LILRA4: variants seen among roughly 807,000 people sequenced by gnomAD.
LILRA4 encodes leukocyte immunoglobulin like receptor A4.
Under a neutral mutation model 49.5 loss-of-function variants are expected in LILRA4, and 51 were observed. That is an observed-to-expected ratio of 1.03 (90% CI 0.82 to 1.30). LILRA4 has a LOEUF of 1.30. Among genes scored for constraint, LILRA4 ranks in the 50% most tolerant of loss-of-function variants. The pLI, the probability that LILRA4 is intolerant of heterozygous loss-of-function variation, is 0.00. For missense variants in LILRA4, 624 were observed against 625.6 expected (o/e 1.00, Z 0.03); for synonymous variants, 272 against 265.6 (o/e 1.02, Z -0.23).
At position 54,337,471 on chromosome 19, in the gene LILRA4, C is replaced by A. The variant is rs148423363; in HGVS notation, c.881G>T (p.Arg294Ile). 3.0e-5 allele frequency: 49 copies of A among 1,612,078 alleles called. No homozygotes were observed. The highest frequency in any genetic ancestry group is 9.9e-5 in the South Asian group (9 of 91,010). Residue 294 changes from arginine (R) to isoleucine (I), a missense_variant, in exon 5 of 8, where the codon AGA becomes ATA. Physicochemically the swap from Arg to Ile is moderately conservative, Grantham distance 97 (BLOSUM62 -3). Coordinates refer to ENST00000291759, the MANE Select transcript of LILRA4 (RefSeq NM_012276.5). ...GGAGACGTTGTGTGCGCCGTAGCAT[C>A]TGTACTGGCCCCCGTAGGAGCGGCT... Reference protein sequence around the residue: ...PVSRSYGGQYRCYGAHNVSSE... With the variant: ...PVSRSYGGQYICYGAHNVSSE...
Position 54,333,582 on chromosome 19 carries a change from T to C in LILRA4, c.1490A>G (p.Glu497Gly), listed in dbSNP as rs757796950. ...NAPFRVVEPW[E>G]QI ...AACCTCCTCAGATCATCAGATCTGT[T>C]CCCAAGGCTCCACCACTCTGAAGGG... Residue 497 changes from glutamate to glycine, a missense_variant, in exon 8 of 8, where the codon GAA becomes GGA. Transcript: ENST00000291759. 3 of 1,613,938 alleles carry C rather than the reference T, an allele frequency of 1.9e-6. No individual in the cohort carries two copies. The highest frequency in any genetic ancestry group is 2.7e-5 in the African/African-American group (2 of 74,896).
In LILRA4 at chr19:54,338,391, C is replaced by G; in HGVS notation, c.355+5G>C. ...TGGGGCTGGGACCCCTGAGTGTCCTCTCACCTGTCACCACCAGCTCCAGGG... is the reference window on the plus strand; with the variant it reads ...TGGGGCTGGGACCCCTGAGTGTCCTGTCACCTGTCACCACCAGCTCCAGGG... On this transcript the variant is annotated splice_donor_5th_base_variant and intron_variant, in intron 3 of 7. Transcript: ENST00000291759. 1 of 1,613,882 alleles carries G rather than the reference C, an allele frequency of 6.2e-7. No homozygotes were observed. The highest frequency in any genetic ancestry group is 1.1e-5 in the South Asian group (1 of 91,068).
chr19:54,338,792 C>T, intron 2 of LILRA4, 74 bp downstream of exon 2: 5 of 1,603,122 alleles, frequency 3.1e-6, no homozygotes, highest in South Asian at 1.1e-5. Context: ...GCTGTCTTCA[C>T]CCCCAGCTGC....
chr19:54,336,754 A>C (rs1485413273), intron 6 of LILRA4, 87 bp downstream of exon 6: 25 of 1,528,138 alleles, frequency 1.6e-5, no homozygotes, highest in Non-Finnish European at 2.2e-5. Flanking sequence ...CAAGTGAGAC[A>C]GACAGACGGA....
At position 54,333,607 on chromosome 19, in the gene LILRA4, G is replaced by A; in HGVS notation, c.1465C>T (p.Pro489Ser). 1 of 1,614,104 alleles carries A rather than the reference G, an allele frequency of 6.2e-7. No individual in the cohort carries two copies. The highest frequency in any genetic ancestry group is 8.5e-7 in the Non-Finnish European group (1 of 1,180,020). Residue 489 changes from proline (P) to serine (S), a missense_variant, in exon 8 of 8, where the codon CCC becomes TCC. Physicochemically the swap from Pro to Ser is moderately conservative, Grantham distance 74 (BLOSUM62 -1). Coordinates refer to ENST00000291759, the MANE Select transcript of LILRA4 (RefSeq NM_012276.5). ...QEANSRKDNA[P>S]FRVVEPWEQI ...TCCCAAGGCTCCACCACTCTGAAGG[G>A]TGCATTGTCCTTTCTGCTGTTTGCC...
intron 6 of LILRA4, chr19:54,335,567 C>G (rs575701062): frequency 2.0e-5 from 3 of 152,462 alleles, no homozygotes; most frequent in African/African-American, 7.2e-5. Flanking sequence ...GTGGTGCGAT[C>G]TCAGCTCACT....
At position 54,333,945 on chromosome 19, in the gene LILRA4, G is replaced by A; in HGVS notation, c.1276C>T (p.Pro426Ser). The A allele has an allele frequency of 6.2e-7, 1 of 1,614,020 alleles. No individual in the cohort carries two copies. Among genetic ancestry groups the A allele is most frequent in the South Asian group, 1.1e-5 (1 of 91,078 alleles). ...VVSGATETLN[P>S]AQKKSDSKTA... is the part of the protein sequence containing the mutation. ...TTGGAATCTGACTTCTTTTGTGCTG[G>A]ATTGAGGGTCTCAGTTGCTCCTAAG... The change falls in exon 7 of 8, where the codon CCA becomes TCA. Residue 426 changes from proline (P) to serine (S), a missense_variant. Coordinates refer to ENST00000291759, the MANE Select transcript of LILRA4 (RefSeq NM_012276.5).
rs547083968 is a variant in LILRA4, at chr19:54,337,493, G to C, written c.859C>G (p.Arg287Gly). 54 of 1,612,476 alleles carry C rather than the reference G, an allele frequency of 3.3e-5. No homozygotes were observed. The highest frequency in any genetic ancestry group is 2.2e-4 in the East Asian group (10 of 44,860). The change falls in exon 5 of 8, where the codon CGC becomes GGC. Residue 287 changes from arginine (R) to glycine (G), a missense_variant. Arg to Gly is a moderately radical substitution (Grantham distance 125). Coordinates refer to ENST00000291759, the MANE Select transcript of LILRA4 (RefSeq NM_012276.5). ...CATCTGTACTGGCCCCCGTAGGAGC[G>C]GCTCACAGGGCTCAGGGTGAAGTTG... The part of the protein sequence containing the change: ...QANFTLSPVS[R>G]SYGGQYRCYG...
At chr19:54,335,348 A>G (rs1057098693) in intron 6 of LILRA4, 23 of 152,866 alleles carry the variant, frequency 1.5e-4, no homozygotes, top group East Asian at 5.8e-4. Flanking sequence ...TATTCCAGCC[A>G]TAGAAGAAGT....
Position 54,333,631 on chromosome 19 carries a change from C to A in LILRA4, c.1441G>T (p.Ala481Ser). Residue 481 changes from alanine (A) to serine (S), a missense_variant, in exon 8 of 8, where the codon GCA becomes TCA. Ala to Ser is a moderately conservative substitution (Grantham distance 99). Coordinates refer to ENST00000291759, the MANE Select transcript of LILRA4 (RefSeq NM_012276.5). ...QRSPPRCSQE[A>S]NSRKDNAPFR... The stretch of plus-strand genomic sequence containing the variant: ...GGTGCATTGTCCTTTCTGCTGTTTG[C>A]CTCCTGGCTGCACCTTGGGGGGCTT... 2 of 1,614,160 alleles carry A rather than the reference C, an allele frequency of 1.2e-6. No individual in the cohort carries two copies. Among genetic ancestry groups the A allele is most frequent in the South Asian group, 1.1e-5 (1 of 91,084 alleles).
intron 4 of LILRA4, 82 bp downstream of exon 4, chr19:54,337,854 C>A (rs535224126): frequency 3.2e-4 from 478 of 1,484,754 alleles, no homozygotes; most frequent in Non-Finnish European, 4.0e-4. Context: ...TTTCTTCTTG[C>A]GTGGGCTAGC....
rs1029650436 is a variant in LILRA4 at position 54,334,202 on chromosome 19, A to C, written c.1256-237T>G. 5 of 533,304 alleles carry C rather than the reference A, an allele frequency of 9.4e-6. No homozygotes were observed. In the Admixed American group the frequency reaches 1.3e-4, roughly 14 times the overall value. 33.0% of individuals were successfully genotyped at this position (533,304 alleles called of 1,614,324 possible). On this transcript the variant is annotated intron_variant, in intron 6 of 7. Coordinates refer to ENST00000291759, the MANE Select transcript of LILRA4 (RefSeq NM_012276.5). ...GAAACAAAGTTTACTTGAGCCCAGG[A>C]GCTCAGGATTAGTAAGAAGAATGAT...
At position 54,338,221 on chromosome 19, in the gene LILRA4, T is replaced by G; in HGVS notation, c.370A>C (p.Thr124Pro). The G allele has an allele frequency of 1.2e-6, 2 of 1,611,078 alleles. No homozygotes were observed. The highest frequency in any genetic ancestry group is 1.7e-6 in the Non-Finnish European group (2 of 1,177,976). Residue 124 changes from threonine (T) to proline (P), a missense_variant, in exon 4 of 8, where the codon ACC (threonine) becomes CCC (proline). By Grantham distance (38) the Thr-to-Pro change is conservative (BLOSUM62 -1). Coordinates refer to ENST00000291759, the MANE Select transcript of LILRA4 (RefSeq NM_012276.5). The part of the protein sequence containing the change: ...ELVVTAYSRP[T>P]LSALPSPVVT... ...ACAGGGCTTGGCAGTGCGGACAGGG[T>G]GGGTCTGCTGTAGGCTTTCAAGAGA...
rs759160683 is a variant in LILRA4, at chr19:54,338,247, A to G, written c.356-12T>C. ...GGGTCTGCTGTAGGCTTTCAAGAGA[A>G]AAAAAGGCAGCCGTGTTTAAATGGG... On this transcript the variant is annotated splice_polypyrimidine_tract_variant and intron_variant, in intron 3 of 7. Transcript: ENST00000291759. 7.5e-6 allele frequency: 12 copies of G among 1,600,490 alleles called. No individual in the cohort carries two copies. In the South Asian group the frequency reaches 1.3e-4, roughly 18 times the overall value.
intron 6 of LILRA4, chr19:54,335,496 T>G (rs536591107): frequency 6.5e-6 from 1 of 153,248 alleles, no homozygotes; most frequent in South Asian, 2.1e-4. Flanking sequence ...GGTAGGTTTT[T>G]GTTTGTTTGT....
intron 6 of LILRA4, chr19:54,335,840 A>G (rs1042383034): frequency 1.3e-5 from 2 of 152,204 alleles, no homozygotes; most frequent in Non-Finnish European, 2.9e-5. Flanking sequence ...GATGAATACA[A>G]TGATTATAGA....
chr19:54,333,726 C>T lies in LILRA4; in HGVS notation c.1346G>A (p.Arg449His), dbSNP rs752309890. 2.7e-5 allele frequency: 44 copies of T among 1,613,966 alleles called. No homozygotes were observed. Among genetic ancestry groups the T allele is most frequent in the Middle Eastern group, 1.6e-4 (1 of 6,084 alleles). ...LQDYTVENLI[R>H]MGVAGLVLLF... is the part of the protein sequence containing the mutation. ...CAGGACCAAGCCAGCCACACCCATG[C>T]GGATGAGATTCTCCACTGTGTAATC... The change falls in exon 8 of 8, where the codon CGC becomes CAC. Residue 449 changes from arginine to histidine, a missense_variant. Physicochemically the swap from Arg to His is conservative, Grantham distance 29. Transcript: ENST00000291759.
chr19:54,337,345 A>C (rs200350615), intron 5 of LILRA4, 55 bp downstream of exon 5: 1 of 1,503,178 alleles, frequency 6.7e-7, no homozygotes, highest in Non-Finnish European at 8.9e-7. Context: ...GGGCTCCCCC[A>C]GCAGGGCCTG....
At chr19:54,334,363 G>A (rs542912617) in intron 6 of LILRA4, 10 of 186,558 alleles carry the variant, frequency 5.4e-5, no homozygotes, top group South Asian at 2.5e-4. Context: ...CTCTGTGGAT[G>A]AGGAGTTGGT....
Sources: allele counts gnomAD v4.1 joint callset, GRCh38; gene constraint gnomAD v4.1.1; transcripts MANE v1.5; gene names NCBI Gene and HGNC (gene_info 2026-07-23, HGNC 2026-07-21).